Variants in RP1 observed in about 807,000 individuals in gnomAD.
RP1 encodes RP1 axonemal microtubule associated.
In RP1, 16 loss-of-function variants were observed where a neutral mutation model predicts 14.8. That is an observed-to-expected ratio of 1.08 (90% CI 0.73 to 1.65). The LOEUF (loss-of-function observed/expected upper bound fraction) is 1.65, where lower values mean the gene tolerates loss of function less well. RP1 is among the 40% of genes most tolerant of loss of function. RP1 has a pLI of 0.00. For missense variants in RP1, 2,631 were observed against 2,535.0 expected (o/e 1.04, Z -0.81); for synonymous variants, 876 against 883.6 (o/e 0.99, Z 0.15).
intron 22 of RP1, among the ~76,000 whole-genome samples, chr8:54,767,894 G>A (rs1809800243): frequency 6.6e-6 from 1 of 152,188 alleles, no homozygotes; most frequent in Admixed American, 6.5e-5. Context: ...GAAGGAAATG[G>A]GATTTCTCAT....
intron 16 of RP1, among the ~76,000 whole-genome samples, chr8:54,724,721 G>C (rs1381518102): frequency 6.6e-6 from 1 of 152,144 alleles, no homozygotes; most frequent in African/African-American, 2.4e-5. Context: ...AAAATGGGAA[G>C]CCTTCTCTAC....
chr8:54,571,711 A>G (rs72650307), intron 1 of RP1, among the ~76,000 whole-genome samples: 4,280 of 152,306 alleles, frequency 0.028, 81 homozygotes, highest in Non-Finnish European at 0.043. Context: ...GAAGTCTGAG[A>G]TCAAGGTATC....
intron 24 of RP1, among the ~76,000 whole-genome samples, chr8:54,829,478 A>G (rs919740052): frequency 1.3e-5 from 2 of 152,224 alleles, no homozygotes; most frequent in African/African-American, 4.8e-5. Flanking sequence ...ATATTAATAA[A>G]GTGTACAAAG....
chr8:54,649,556 C>T (rs573216698), intron 4 of RP1, among the ~76,000 whole-genome samples: 3 of 152,256 alleles, frequency 2.0e-5, no homozygotes, highest in South Asian at 2.1e-4. Context: ...CATGGCTAGA[C>T]ACATGGAGAT....
chr8:54,754,961 C>A, intron 20 of RP1: 1 of 1,479,176 alleles, frequency 6.8e-7, no homozygotes, highest in Non-Finnish European at 8.9e-7. Flanking sequence ...TCAGTAGCAT[C>A]TATTCCATAG....
At chr8:54,797,892 T>TTA (rs1232549150) in intron 24 of RP1, among the ~76,000 whole-genome samples, 1 of 146,260 alleles carries the variant, frequency 6.8e-6, no homozygotes, top group Non-Finnish European at 1.5e-5. Flanking sequence ...TTTTTTTTTT[T>TTA]TTAACCATAA....
chr8:54,780,977 A>G (rs2129379681), intron 23 of RP1: 1 of 982,438 alleles, frequency 1.0e-6, no homozygotes, highest in Admixed American at 6.1e-5. Flanking sequence ...TGTTGAGAAG[A>G]AATCCGAATT....
downstream of RP1, among the ~76,000 whole-genome samples, chr8:54,633,707 G>T (rs1287469895): frequency 8.8e-6 from 1 of 114,068 alleles, no homozygotes; most frequent in African/African-American, 3.2e-5. Context: ...GCTTTATTTT[G>T]TGCCTCTCTC....
intron 16 of RP1, chr8:54,720,392 T>C: frequency 8.5e-7 from 1 of 1,177,432 alleles, no homozygotes; most frequent in Non-Finnish European, 1.1e-6. Flanking sequence ...ACATTTTTAC[T>C]AAGCAAATCT....
chr8:54,822,174 G>A (rs1482063423), intron 24 of RP1, among the ~76,000 whole-genome samples: 1 of 152,146 alleles, frequency 6.6e-6, no homozygotes, highest in Non-Finnish European at 1.5e-5. Context: ...TTATTTATTA[G>A]TTTTAACAAA....
intron 14 of RP1, among the ~76,000 whole-genome samples, chr8:54,703,282 T>C (rs1246701749): frequency 2.6e-5 from 4 of 152,244 alleles, no homozygotes; most frequent in African/African-American, 7.2e-5. Flanking sequence ...AAATTACTTC[T>C]TGATCCATAG....
At chr8:54,717,316 T>A (rs1014948457) in intron 15 of RP1, among the ~76,000 whole-genome samples, 2 of 152,198 alleles carry the variant, frequency 1.3e-5, no homozygotes, top group Non-Finnish European at 2.9e-5. Flanking sequence ...GGATTCTTCT[T>A]ACGCCAACAC....
At chr8:54,674,986 G>C (rs990699722) in intron 8 of RP1, among the ~76,000 whole-genome samples, 1 of 152,148 alleles carries the variant, frequency 6.6e-6, no homozygotes, top group Non-Finnish European at 1.5e-5. Context: ...AAGCTTGTTA[G>C]TGTTTTACTA....
At chr8:54,812,787 AT>A (rs1563383860) in intron 24 of RP1, among the ~76,000 whole-genome samples, 25 of 150,476 alleles carry the variant, frequency 1.7e-4, no homozygotes, top group African/African-American at 6.2e-4. Flanking sequence ...CTATCTATCT[AT>A]CTATCTATCT....
chr8:54,662,245 T>C (rs921813012), intron 6 of RP1, among the ~76,000 whole-genome samples: 1 of 152,184 alleles, frequency 6.6e-6, no homozygotes, highest in African/African-American at 2.4e-5. Flanking sequence ...ATGTTGATAT[T>C]TTTGTTTTAG....
chr8:54,771,851 T>A (rs1244393457), downstream of RP1, among the ~76,000 whole-genome samples: 1 of 152,098 alleles, frequency 6.6e-6, no homozygotes, highest in Non-Finnish European at 1.5e-5. Context: ...GAGGCAGTGT[T>A]ACATTGTGGT....
intron 24 of RP1, among the ~76,000 whole-genome samples, chr8:54,791,720 C>A (rs991889833): frequency 1.3e-5 from 2 of 151,686 alleles, no homozygotes; most frequent in South Asian, 2.1e-4. Context: ...AGTAGATACA[C>A]AAAAGATTAA....
chr8:54,569,580 ACT>A (rs1415553709), intron 1 of RP1, among the ~76,000 whole-genome samples: 1 of 152,114 alleles, frequency 6.6e-6, no homozygotes, highest in African/African-American at 2.4e-5. Flanking sequence ...AAAAACATTC[ACT>A]GTCTCTGCCC....
upstream of RP1, among the ~76,000 whole-genome samples, chr8:54,614,516 C>T (rs1302153170): frequency 6.6e-6 from 1 of 152,170 alleles, no homozygotes; most frequent in Non-Finnish European, 1.5e-5. Flanking sequence ...TCATGTGCAC[C>T]TTCAAGCTTG....
Sources: gnomAD v4.1 joint callset for allele counts (sites outside exome capture counted in the v4.1 genomes callset) on GRCh38, gnomAD v4.1.1 for gene constraint, MANE v1.5 for transcripts, NCBI Gene and HGNC (gene_info 2026-07-23, HGNC 2026-07-21) for gene names.